The following HPSE2 variants were observed in gnomAD, a reference collection of about 807,000 sequenced individuals.
The protein encoded by HPSE2 is heparanase 2 (inactive), also known as inactive heparanase-2.
HPSE2 carries 38 observed loss-of-function variants against 60.5 expected under a neutral mutation model. That is an observed-to-expected ratio of 0.63 (90% CI 0.48 to 0.82). The LOEUF is 0.82. Among genes scored for constraint, HPSE2 ranks in the 40% least tolerant of loss-of-function variants. The pLI is 0.00. For missense variants in HPSE2, 713 were observed against 740.4 expected (o/e 0.96, Z 0.43); for synonymous variants, 295 against 293.2 (o/e 1.01, Z -0.06).
At chr10:99,279,163 T>A in the HPSE2 span, among the ~76,000 whole-genome samples, 13 of 152,324 alleles carry the variant, frequency 8.5e-5, no homozygotes, top group African/African-American at 3.1e-4. Flanking sequence ...TTCTTTTTGA[T>A]AGAAGACAGA....
intron 9 of HPSE2, among the ~76,000 whole-genome samples, chr10:98,508,565 G>A (rs1012853427): frequency 1.3e-5 from 2 of 152,174 alleles, no homozygotes; most frequent in Non-Finnish European, 2.9e-5. Context: ...TTAAGCCAAT[G>A]AGTTAAACAA....
chr10:99,077,686 T>C (rs1340940970), intron 3 of HPSE2, among the ~76,000 whole-genome samples: 2 of 148,818 alleles, frequency 1.3e-5, no homozygotes, highest in Admixed American at 1.4e-4. Flanking sequence ...TCCATATATA[T>C]CCATTTCAGA....
chr10:99,019,837 T>C (rs1436312187), intron 3 of HPSE2, among the ~76,000 whole-genome samples: 2 of 151,732 alleles, frequency 1.3e-5, no homozygotes, highest in Non-Finnish European at 2.9e-5. Flanking sequence ...TCAGCTTCCC[T>C]AGTAGCTGAG....
chr10:99,231,255 A>T (rs1849634932), intron 2 of HPSE2, among the ~76,000 whole-genome samples: 1 of 152,202 alleles, frequency 6.6e-6, no homozygotes, highest in African/African-American at 2.4e-5. Flanking sequence ...TTGCTCCTTT[A>T]GCTGATTTGT....
chr10:98,472,917 C>A (rs1187143101), intron 11 of HPSE2, among the ~76,000 whole-genome samples: 1 of 152,058 alleles, frequency 6.6e-6, no homozygotes, highest in South Asian at 2.1e-4. Context: ...TGTATTAGAG[C>A]AAACTTAATA....
At chr10:98,883,002 C>T (rs985114590) in intron 3 of HPSE2, among the ~76,000 whole-genome samples, 1 of 151,992 alleles carries the variant, frequency 6.6e-6, no homozygotes, top group African/African-American at 2.4e-5. Flanking sequence ...TTCACCTCCG[C>T]CCAAACATGT....
chr10:98,933,441 T>C lies in HPSE2; in HGVS notation c.611-189385A>G, dbSNP rs192125436. ...AAATGTATATTCTGTTGTTTTTGAG[T>C]GGAGCGTTCTATAGATATCTATCAG... On this transcript the variant is annotated intron_variant, in intron 3 of 11. Coordinates refer to ENST00000370552, the MANE Select transcript of HPSE2 (RefSeq NM_021828.5). Among the ~76,000 whole-genome samples the C allele has an allele frequency of 1.5e-4, 22 of 144,348 alleles. 2 individuals are homozygous for C. The highest frequency in any genetic ancestry group is 2.8e-4 in the Non-Finnish European group (19 of 67,250). 94.7% of individuals were successfully genotyped at this position (144,348 alleles called of 152,430 possible). A position where few individuals can be genotyped will look rare whatever the true frequency, so the allele number is the denominator to read the frequency against.
At chr10:98,688,516 C>T (rs1452513006) in intron 6 of HPSE2, among the ~76,000 whole-genome samples, 1 of 111,228 alleles carries the variant, frequency 9.0e-6, no homozygotes, top group Non-Finnish European at 1.8e-5. Flanking sequence ...TGCTCTGTTG[C>T]CCAGGCTGGA....
chr10:98,803,238 T>A (rs1950959926), intron 3 of HPSE2, among the ~76,000 whole-genome samples: 1 of 150,448 alleles, frequency 6.6e-6, no homozygotes, highest in Admixed American at 6.6e-5. Flanking sequence ...GTCAGATGAG[T>A]AGGTTGCAAA....
chr10:98,939,604 G>C (rs1340976660), intron 3 of HPSE2, among the ~76,000 whole-genome samples: 1 of 143,402 alleles, frequency 7.0e-6, no homozygotes, highest in Non-Finnish European at 1.5e-5. Flanking sequence ...GACCTACAAA[G>C]AGACTTAGAC....
At chr10:98,710,148 T>C (rs1367591590) in intron 5 of HPSE2, among the ~76,000 whole-genome samples, 1 of 152,158 alleles carries the variant, frequency 6.6e-6, no homozygotes, top group Non-Finnish European at 1.5e-5. Context: ...TTTCATTTGG[T>C]CCAAAGCCAC....
At chr10:98,626,157 G>T (rs1434229997) in intron 7 of HPSE2, among the ~76,000 whole-genome samples, 1 of 150,958 alleles carries the variant, frequency 6.6e-6, no homozygotes, top group African/African-American at 2.4e-5. Context: ...AAACAAGTAA[G>T]AAAATTACTT....
chr10:99,140,071 T>A (rs995374364), intron 3 of HPSE2, among the ~76,000 whole-genome samples: 2 of 152,192 alleles, frequency 1.3e-5, no homozygotes, highest in African/African-American at 4.8e-5. Context: ...ATTATTTTAC[T>A]TTGATAAAGT....
At chr10:99,135,119 A>T (rs1845594631) in intron 3 of HPSE2, among the ~76,000 whole-genome samples, 1 of 152,236 alleles carries the variant, frequency 6.6e-6, no homozygotes, top group Non-Finnish European at 1.5e-5. Flanking sequence ...AGAGACAAGG[A>T]AGAGCATTAT....
At chr10:99,032,282 T>C (rs1421211427) in intron 3 of HPSE2, among the ~76,000 whole-genome samples, 1 of 152,112 alleles carries the variant, frequency 6.6e-6, no homozygotes, top group East Asian at 1.9e-4. Flanking sequence ...ATGTCCCCTC[T>C]GTTCACCCAC....
the HPSE2 span, among the ~76,000 whole-genome samples, chr10:99,270,998 A>G: frequency 1.3e-5 from 2 of 152,238 alleles, no homozygotes; most frequent in African/African-American, 4.8e-5. Flanking sequence ...ATATAATAAA[A>G]GTCATCTATG....
chr10:98,739,873 T>G (rs959419649), intron 4 of HPSE2, among the ~76,000 whole-genome samples: 9 of 152,154 alleles, frequency 5.9e-5, no homozygotes. Flanking sequence ...AGGTAATTTT[T>G]GTGATTAAGT....
intron 3 of HPSE2, among the ~76,000 whole-genome samples, chr10:99,021,754 G>A (rs1207395085): frequency 1.3e-5 from 2 of 150,862 alleles, no homozygotes; most frequent in Non-Finnish European, 2.9e-5. Context: ...GGCTACAGCA[G>A]CTGCAGACAT....
chr10:98,864,451 T>C (rs375982184), intron 3 of HPSE2, among the ~76,000 whole-genome samples: 3 of 152,204 alleles, frequency 2.0e-5, no homozygotes, highest in East Asian at 3.8e-4. Context: ...GAAGGCTATA[T>C]TGCTTCTATT....
Sources: gnomAD v4.1 joint callset for allele counts (sites outside exome capture counted in the v4.1 genomes callset) on GRCh38, gnomAD v4.1.1 for gene constraint, MANE v1.5 for transcripts, NCBI Gene and HGNC (gene_info 2026-07-23, HGNC 2026-07-21) for gene names.